Variants in CBX1 observed in about 807,000 individuals in gnomAD.
CBX1 encodes the protein chromobox protein homolog 1.
In CBX1, 10 loss-of-function variants were observed where a neutral mutation model predicts 25.1. The observed-to-expected ratio is 0.40, with a 90% CI of 0.25 to 0.68. The LOEUF (loss-of-function observed/expected upper bound fraction) is 0.68. Ranked by LOEUF, CBX1 falls within the 30% of genes least tolerant of loss-of-function variation. The pLI is 0.40. For synonymous variants in CBX1, 63 were observed against 79.4 expected (o/e 0.79, Z 1.10); for missense variants, 106 against 218.5 (o/e 0.49, Z 3.25).
chr17:48,097,914 T>C (rs2063384225), intron 1 of CBX1, among the ~76,000 whole-genome samples: 1 of 152,166 alleles, frequency 6.6e-6, no homozygotes, highest in African/African-American at 2.4e-5. Context: ...ACACAGAAGA[T>C]TTTTCAAGAT....
chr17:48,090,449 C>A (rs1567768803), intron 1 of CBX1, among the ~76,000 whole-genome samples: 1 of 152,124 alleles, frequency 6.6e-6, no homozygotes, highest in African/African-American at 2.4e-5. Flanking sequence ...TCCTCCATAT[C>A]CAGTCTCTCA....
intron 2 of CBX1, 43 bp downstream of exon 2, chr17:48,076,822 T>C (rs762746272): frequency 6.3e-7 from 1 of 1,578,648 alleles, no homozygotes; most frequent in Admixed American, 1.8e-5. Flanking sequence ...AGACTCCTGA[T>C]AAACACGTGG....
chr17:48,094,057 T>A (rs1455081377), intron 1 of CBX1, among the ~76,000 whole-genome samples: 1 of 137,784 alleles, frequency 7.3e-6, no homozygotes. Context: ...GAAGTTGCGA[T>A]GCGCCAAGAT....
chr17:48,080,549 GGAAAGGAAGCTTACTTAGT>G (rs1368523852), intron 1 of CBX1, among the ~76,000 whole-genome samples: 70 of 151,790 alleles, frequency 4.6e-4, no homozygotes, highest in Non-Finnish European at 4.4e-5. Flanking sequence ...AGCATCCTTA[GGAAAGGAAGCTTACTTAGT>G]GTAATCATTA....
intron 1 of CBX1, among the ~76,000 whole-genome samples, chr17:48,079,885 A>C (rs918977856): frequency 6.6e-6 from 1 of 152,220 alleles, no homozygotes; most frequent in Non-Finnish European, 1.5e-5. Context: ...TTGGAAAACA[A>C]GTGTGGGGAA....
chr17:48,075,877 T>C (rs1414243967), intron 3 of CBX1, 124 bp downstream of exon 3: 3 of 667,986 alleles, frequency 4.5e-6, no homozygotes, highest in Non-Finnish European at 7.4e-6. Flanking sequence ...TTGTAGGCAT[T>C]AGCCTACCTA....
chr17:48,092,962 C>A (rs1485731294), intron 1 of CBX1, among the ~76,000 whole-genome samples: 1 of 150,042 alleles, frequency 6.7e-6, no homozygotes, highest in African/African-American at 2.5e-5. Context: ...CCCAGCTACT[C>A]GGGAGGCTGA....
At chr17:48,083,386 A>G (rs1206634901) in intron 1 of CBX1, among the ~76,000 whole-genome samples, 1 of 150,560 alleles carries the variant, frequency 6.6e-6, no homozygotes, top group Non-Finnish European at 1.5e-5. Context: ...CCTGTGACAC[A>G]AACTGGTTTG....
intron 1 of CBX1, among the ~76,000 whole-genome samples, chr17:48,089,378 G>A (rs1359667646): frequency 6.6e-6 from 1 of 150,540 alleles, no homozygotes; most frequent in Non-Finnish European, 1.5e-5. Context: ...TGGAATTACA[G>A]GCATGAGCCA....
At chr17:48,097,061 C>A (rs546703226) in intron 1 of CBX1, among the ~76,000 whole-genome samples, 1 of 151,918 alleles carries the variant, frequency 6.6e-6, no homozygotes, top group African/African-American at 2.4e-5. Context: ...ACCAACCTGG[C>A]CAACATGATG....
chr17:48,079,095 C>CCATGTTCTCTTGTTCTTTATGCAGTCTTT (rs1159912178), intron 1 of CBX1, among the ~76,000 whole-genome samples: 3 of 151,292 alleles, frequency 2.0e-5, no homozygotes, highest in Non-Finnish European at 3.0e-5. Context: ...CCGAACCCAG[C>CCATGTTCTCTTGTTCTTTATGCAGTCTTT]TCCAGCCCCG....
At chr17:48,100,600 C>A in intron 1 of CBX1, 1 of 491,344 alleles carries the variant, frequency 2.0e-6, no homozygotes, top group Non-Finnish European at 2.6e-6. Context: ...CCCCTTTTTT[C>A]TTACATACCT....
At chr17:48,087,358 G>A (rs575021981) in intron 1 of CBX1, among the ~76,000 whole-genome samples, 1 of 150,982 alleles carries the variant, frequency 6.6e-6, no homozygotes, top group Non-Finnish European at 1.5e-5. Context: ...GGTGGATCAC[G>A]AGGTCAGGAG....
At chr17:48,084,445 G>A (rs1301192147) in intron 1 of CBX1, among the ~76,000 whole-genome samples, 2 of 146,608 alleles carry the variant, frequency 1.4e-5, no homozygotes, top group South Asian at 2.1e-4. Flanking sequence ...TCCTGACCTC[G>A]TGATCCACCC....
intron 4 of CBX1, among the ~76,000 whole-genome samples, chr17:48,072,899 G>A (rs955580684): frequency 1.3e-5 from 2 of 152,172 alleles, no homozygotes; most frequent in African/African-American, 4.8e-5. Context: ...GGGAGGCCAA[G>A]GTGGGCAGGC....
intron 1 of CBX1, among the ~76,000 whole-genome samples, chr17:48,084,318 A>G (rs1284722272): frequency 7.5e-6 from 1 of 133,000 alleles, no homozygotes; most frequent in Non-Finnish European, 1.5e-5. Context: ...AGTTCAAGCG[A>G]TTCTCCTGCC....
At chr17:48,095,205 A>C (rs1409857364) in intron 1 of CBX1, among the ~76,000 whole-genome samples, 1 of 152,180 alleles carries the variant, frequency 6.6e-6, no homozygotes, top group African/African-American at 2.4e-5. Context: ...TGGGGTTCCC[A>C]AAGCATTCTG....
chr17:48,073,575 C>T (rs1189931596), intron 4 of CBX1, among the ~76,000 whole-genome samples: 1 of 152,168 alleles, frequency 6.6e-6, no homozygotes, highest in African/African-American at 2.4e-5. Flanking sequence ...GCCTGTAATC[C>T]TAGCACCTTG....
chr17:48,074,667 T>TAATA (rs2037657738), intron 4 of CBX1, among the ~76,000 whole-genome samples: 1 of 152,208 alleles, frequency 6.6e-6, no homozygotes, highest in Admixed American at 6.5e-5. Flanking sequence ...TCATCTTTAT[T>TAATA]AAGGAGGTGG....
Sources: gnomAD v4.1 joint callset for allele counts (sites outside exome capture counted in the v4.1 genomes callset) on GRCh38, gnomAD v4.1.1 for gene constraint, MANE v1.5 for transcripts, NCBI Gene and HGNC (gene_info 2026-07-23, HGNC 2026-07-21) for gene names.